Variants in SVEP1 observed in about 807,000 individuals in gnomAD.
SVEP1 encodes the protein sushi, von Willebrand factor type A, EGF and pentraxin domain-containing protein 1.
Under a neutral mutation model 367.3 loss-of-function variants are expected in SVEP1, and 164 were observed. The ratio of observed to expected loss-of-function variants is 0.45; its 90% confidence interval spans 0.39 to 0.51. SVEP1 has a LOEUF of 0.51. SVEP1 is among the 20% of genes least tolerant of loss of function. SVEP1 has a pLI of 0.00. For synonymous variants in SVEP1, 1,666 were observed against 1,611.6 expected, an observed-to-expected ratio of 1.03 and a Z score of -0.81; for missense variants, 4,117 against 4,425.3, an observed-to-expected ratio of 0.93 and a Z score of 1.98.
Position 110,445,956 on chromosome 9 carries a change from G to A in SVEP1, c.4344C>T (p.Leu1448=), listed in dbSNP as rs754890295. The A allele has an allele frequency of 2.5e-5, 40 of 1,613,798 alleles. No homozygotes were observed. The South Asian group carries it at 4.4e-4, about 18-fold the overall frequency. The change falls in exon 26 of 48, where the codon CTC becomes CTT. Residue 1448 remains leucine (L), a synonymous_variant. Coordinates refer to ENST00000374469, the MANE Select transcript of SVEP1 (RefSeq NM_153366.4). ...TCCAGAAGGTACAGGTTAGAGCATG[G>A]AGAGATGGGAGCATGCCATCTAGCA... The part of the protein sequence containing the change: ...YVMLDGMLPS[L]HALTCTFWMK...
chr9:110,386,211 AACATTAGAC>A (rs1402695651), intron 42 of SVEP1, 137 bp from the exon 43 acceptor site: 16 of 856,726 alleles, frequency 1.9e-5, no homozygotes, highest in Non-Finnish European at 2.7e-5. Context: ...TGGAACTCCA[AACATTAGAC>A]ACAGACTTGT....
chr9:110,497,858 GTCT>G (rs945405719), intron 7 of SVEP1, among the ~76,000 whole-genome samples: 2 of 152,086 alleles, frequency 1.3e-5, no homozygotes, highest in Admixed American at 1.3e-4. Flanking sequence ...TGTGTCTCAC[GTCT>G]TCTTGTTTCT....
rs1199628318 is a variant in SVEP1 at position 110,496,902 on chromosome 9, C to G, written c.1713G>C (p.Lys571Asn). The change falls in exon 8 of 48, where the codon AAG becomes AAC. Residue 571 changes from lysine (K) to asparagine (N), a missense_variant. Physicochemically the swap from Lys to Asn is moderately conservative, Grantham distance 94 (BLOSUM62 0). This residue lies in a region of SVEP1 where 2,174 missense variants were observed against 2,494.3 expected (regional missense o/e 0.87). Coordinates refer to ENST00000374469, the MANE Select transcript of SVEP1 (RefSeq NM_153366.4). Reference sequence around the variant, plus strand: ...GTTCCAGAGTCTTAGCCTCTATGTCCTTAGGACAGTTGATTTGAGGAGCCT... The same window carrying G: ...GTTCCAGAGTCTTAGCCTCTATGTCGTTAGGACAGTTGATTTGAGGAGCCT... ...DVEAPQINCP[K>N]DIEAKTLEQQ... The G allele has an allele frequency of 2.6e-6, 4 of 1,551,536 alleles. No individual in the cohort carries two copies. The highest frequency in any genetic ancestry group is 3.5e-6 in the Non-Finnish European group (4 of 1,145,950).
At chr9:110,447,085 T>C (rs1828612802) in intron 24 of SVEP1, 28 bp from the exon 25 acceptor site, 1 of 1,448,908 alleles carries the variant, frequency 6.9e-7, no homozygotes. Flanking sequence ...GTTGTAACAA[T>C]TAGAACAGTT....
chr9:110,408,411 C>G lies in SVEP1; in HGVS notation c.7189G>C (p.Ala2397Pro), dbSNP rs1157418083. The change falls in exon 38 of 48, where the codon GCT becomes CCT. Residue 2397 changes from alanine (A) to proline (P), a missense_variant. By Grantham distance (27) the Ala-to-Pro change is conservative. Transcript: ENST00000374469. ...ISFGVPIPSS[A>P]LHFGSTVKYS... Reference sequence around the variant, plus strand: ...TTGACAGTACTTCCAAAATGAAGAGCAGAAGAAGGAATGGGGACACCAAAG... The same window carrying G: ...TTGACAGTACTTCCAAAATGAAGAGGAGAAGAAGGAATGGGGACACCAAAG... 3 of 1,613,754 alleles carry G rather than the reference C, an allele frequency of 1.9e-6. No individual in the cohort carries two copies. Among genetic ancestry groups the G allele is most frequent in the Non-Finnish European group, 2.5e-6 (3 of 1,179,890 alleles).
intron 36 of SVEP1, among the ~76,000 whole-genome samples, chr9:110,415,738 C>T (rs1249099224): frequency 1.3e-5 from 2 of 151,990 alleles, no homozygotes; most frequent in African/African-American, 4.8e-5. Context: ...CGAATTACAA[C>T]ACAAATTATT....
intron 40 of SVEP1, among the ~76,000 whole-genome samples, chr9:110,393,387 A>C (rs1010439658): frequency 6.6e-6 from 1 of 152,316 alleles, no homozygotes; most frequent in East Asian, 1.9e-4. Flanking sequence ...ATTTAACAGA[A>C]AAGTGGCGAT....
intron 3 of SVEP1, among the ~76,000 whole-genome samples, chr9:110,537,572 T>A (rs1174409267): frequency 6.6e-6 from 1 of 151,870 alleles, no homozygotes; most frequent in Non-Finnish European, 1.5e-5. Flanking sequence ...ATATGTTACA[T>A]TAGAATAGAA....
chr9:110,502,513 T>G (rs1670179793), intron 6 of SVEP1, among the ~76,000 whole-genome samples: 1 of 152,212 alleles, frequency 6.6e-6, no homozygotes. Context: ...CCCTTTATAG[T>G]TCTTTTTCAT....
chr9:110,380,372 C>T (rs569407204), intron 43 of SVEP1, among the ~76,000 whole-genome samples: 2 of 152,248 alleles, frequency 1.3e-5, no homozygotes, highest in African/African-American at 2.4e-5. Context: ...TGTCATAATA[C>T]TACCATAAAC....
intron 44 of SVEP1, 31 bp from the exon 45 acceptor site, chr9:110,377,397 TAGGGAATTATGA>T: frequency 6.3e-7 from 1 of 1,597,644 alleles, no homozygotes; most frequent in Non-Finnish European, 8.6e-7. Context: ...GTCACAAATG[TAGGGAATTATGA>T]AGGGAAGGAG....
chr9:110,579,028 G>A lies in SVEP1; in HGVS notation c.516C>T (p.Ala172=), dbSNP rs1028716001. Reference sequence around the variant, plus strand: ...GGCGCCTTACCGCGGCTTGCTGGAAGGCGCCCTTGGTGTAGGTGCCGCCAC... The same window carrying A: ...GGCGCCTTACCGCGGCTTGCTGGAAAGCGCCCTTGGTGTAGGTGCCGCCAC... ...YRGGGTYTKG[A]FQQAAQILLH... The change falls in exon 1 of 48, where the codon GCC becomes GCT. Residue 172 remains alanine (A), a synonymous_variant. Coordinates refer to ENST00000374469, the MANE Select transcript of SVEP1 (RefSeq NM_153366.4). The surrounding 1 kb of genome is among the most constrained non-coding windows in gnomAD (Gnocchi z 5.3). 3 of 1,547,822 alleles carry A rather than the reference G, an allele frequency of 1.9e-6. No homozygotes were observed. In the African/African-American group the frequency reaches 4.1e-5, roughly 21 times the overall value.
chr9:110,429,436 G>T, intron 34 of SVEP1, 102 bp from the exon 35 acceptor site: 1 of 856,770 alleles, frequency 1.2e-6, no homozygotes, highest in South Asian at 3.3e-5. Flanking sequence ...TATACATATT[G>T]GAAAAGTTGA....
chr9:110,499,306 TAC>T, intron 6 of SVEP1, 68 bp from the exon 7 acceptor site: 1 of 1,436,496 alleles, frequency 7.0e-7, no homozygotes, highest in Admixed American at 2.1e-5. Context: ...GGATTCTTTT[TAC>T]TCAAGAAAAA....
intron 12 of SVEP1, 32 bp from the exon 13 acceptor site, chr9:110,479,788 G>A (rs976078932): frequency 3.2e-6 from 5 of 1,576,512 alleles, no homozygotes; most frequent in Non-Finnish European, 3.4e-6. Context: ...AGCTTCAGTT[G>A]GTTAGTGTTT....
chr9:110,496,233 T>G (rs1355613723), intron 8 of SVEP1, among the ~76,000 whole-genome samples: 1 of 152,208 alleles, frequency 6.6e-6, no homozygotes, highest in East Asian at 1.9e-4. Flanking sequence ...CGAAGTATTG[T>G]TCCTGGGTGT....
intron 36 of SVEP1, among the ~76,000 whole-genome samples, chr9:110,423,168 TA>T: frequency 0.41 from 42,457 of 103,472 alleles, 6,429 homozygotes; most frequent in Admixed American, 0.44. Flanking sequence ...AAAAATAAAG[TA>T]AAAAAAAAAA....
intron 30 of SVEP1, among the ~76,000 whole-genome samples, chr9:110,433,644 G>C (rs182910976): frequency 3.6e-3 from 553 of 151,664 alleles, no homozygotes; most frequent in Non-Finnish European, 6.0e-3. Context: ...GCCAATTTTT[G>C]TATTTTTTGT....
Position 110,499,126 on chromosome 9 carries a change from C to T in SVEP1, c.1596G>A (p.Gly532=). Residue 532 remains glycine (G), a synonymous_variant, in exon 7 of 48, where the codon GGG becomes GGA. Transcript: ENST00000374469. ...TTTCTTTGACTCCAGATAAAATGAACCCTTGGCGGCAACTTACATAGCAGA... is the reference window on the plus strand; with the variant it reads ...TTTCTTTGACTCCAGATAAAATGAATCCTTGGCGGCAACTTACATAGCAGA... ...GTICYVSCRQ[G]FILSGVKEML... 1 of 1,613,710 alleles carries T rather than the reference C, an allele frequency of 6.2e-7. No homozygotes were observed. Among genetic ancestry groups the T allele is most frequent in the Non-Finnish European group, 8.5e-7 (1 of 1,179,790 alleles).
Sources: gnomAD v4.1 joint callset for allele counts (sites outside exome capture counted in the v4.1 genomes callset) on GRCh38, gnomAD v4.1.1 for gene constraint, gnomAD v4.1.1 regional missense constraint, Gnocchi (gnomAD v3.1) non-coding constraint, MANE v1.5 for transcripts, NCBI Gene and HGNC (gene_info 2026-07-23, HGNC 2026-07-21) for gene names.